Variants in EYS observed in about 807,000 individuals in gnomAD.
The protein encoded by EYS is EGF-like photoreceptor maintenance factor.
Under a neutral mutation model 282.1 loss-of-function variants are expected in EYS, and 250 were observed. The ratio of observed to expected loss-of-function variants is 0.89; its 90% confidence interval spans 0.80 to 0.98. EYS has a LOEUF of 0.98. Among genes scored for constraint, EYS ranks in the 50% least tolerant of loss-of-function variants. EYS has a pLI of 0.00. For missense variants in EYS, 4,016 were observed against 3,709.0 expected (o/e 1.08, Z -2.15); for synonymous variants, 1,355 against 1,282.9 (o/e 1.06, Z -1.20).
chr6:64,840,479 C>T (rs1282488025), intron 19 of EYS, among the ~76,000 whole-genome samples: 1 of 151,988 alleles, frequency 6.6e-6, no homozygotes, highest in Non-Finnish European at 1.5e-5. Flanking sequence ...AGCTAACAGG[C>T]CAAGTGATGG....
intron 22 of EYS, among the ~76,000 whole-genome samples, chr6:64,686,761 A>AAG (rs1770126053): frequency 5.1e-5 from 1 of 19,460 alleles, no homozygotes; most frequent in South Asian, 2.3e-3. Flanking sequence ...ATATATATAT[A>AAG]TGTGTGTATA....
At chr6:64,608,360 G>A (rs1269880622) in intron 24 of EYS, among the ~76,000 whole-genome samples, 2 of 152,062 alleles carry the variant, frequency 1.3e-5, no homozygotes, top group East Asian at 1.9e-4. Flanking sequence ...GAAGGGAGGT[G>A]AGAGTAGTTG....
At chr6:64,094,541 G>A (rs907356755) in intron 31 of EYS, among the ~76,000 whole-genome samples, 10 of 152,036 alleles carry the variant, frequency 6.6e-5, no homozygotes, top group African/African-American at 1.2e-4. Flanking sequence ...GTTTATTTGC[G>A]TAGAGGTGTT....
At chr6:65,008,680 G>A (rs1356184147) in intron 13 of EYS, among the ~76,000 whole-genome samples, 1 of 152,176 alleles carries the variant, frequency 6.6e-6, no homozygotes, top group Non-Finnish European at 1.5e-5. Flanking sequence ...ACTGCCCCAA[G>A]GGACGAAGGT....
chr6:64,577,306 CAATT>C (rs1202544534), intron 26 of EYS, among the ~76,000 whole-genome samples: 1 of 152,034 alleles, frequency 6.6e-6, no homozygotes, highest in African/African-American at 2.4e-5. Context: ...ATTGGTGTCA[CAATT>C]AAGACTTAGA....
Position 63,789,154 on chromosome 6 carries a change from C to G in EYS, c.7482G>C (p.Gly2494=), listed in dbSNP as rs1276511581. 4.5e-6 allele frequency: 7 copies of G among 1,551,656 alleles called. No individual in the cohort carries two copies. Among genetic ancestry groups the G allele is most frequent in the Non-Finnish European group, 6.1e-6 (7 of 1,146,966 alleles). Residue 2494 remains glycine (G), a synonymous_variant, in exon 38 of 43, where the codon GGG becomes GGC. Coordinates refer to ENST00000503581, the MANE Select transcript of EYS (RefSeq NM_001142800.2). ...NGSVVYSYNL[G]SGIASIRSEP... ...CGCTCCTGATGCTTGCTATGCCAGA[C>G]CCCAGGTTATAACTATAAACCACAC...
At chr6:65,318,057 C>T (rs1769362430) in intron 11 of EYS, among the ~76,000 whole-genome samples, 1 of 151,164 alleles carries the variant, frequency 6.6e-6, no homozygotes, top group African/African-American at 2.4e-5. Flanking sequence ...TCAGTAGAGA[C>T]GGGATTTCAC....
At chr6:64,963,297 T>C (rs1411407639) in intron 14 of EYS, among the ~76,000 whole-genome samples, 1 of 152,190 alleles carries the variant, frequency 6.6e-6, no homozygotes, top group African/African-American at 2.4e-5. Flanking sequence ...ATATATAGAC[T>C]TAGTAAATAT....
chr6:65,549,760 TTC>T (rs1768530614), intron 2 of EYS, among the ~76,000 whole-genome samples: 1 of 152,248 alleles, frequency 6.6e-6, no homozygotes, highest in African/African-American at 2.4e-5. Context: ...CAACCTGACT[TTC>T]TCCTCAGGAA....
At chr6:64,711,824 CT>C (rs1274616861) in intron 22 of EYS, among the ~76,000 whole-genome samples, 15 of 152,198 alleles carry the variant, frequency 9.9e-5, no homozygotes, top group African/African-American at 3.6e-4. Flanking sequence ...ATCTCCTCCT[CT>C]ACCAAATGAG....
At chr6:64,283,663 A>G (rs1361055106) in intron 30 of EYS, among the ~76,000 whole-genome samples, 2 of 152,156 alleles carry the variant, frequency 1.3e-5, no homozygotes, top group East Asian at 3.8e-4. Flanking sequence ...ATGCTTCTGT[A>G]TTAGTCCGTT....
chr6:64,370,487 A>T (rs1195177879), intron 29 of EYS, among the ~76,000 whole-genome samples: 1 of 151,822 alleles, frequency 6.6e-6, no homozygotes, highest in African/African-American at 2.4e-5. Flanking sequence ...TTTTATTTTT[A>T]TGTTGTGTCT....
intron 2 of EYS, among the ~76,000 whole-genome samples, chr6:65,615,596 C>A (rs995360918): frequency 1.3e-5 from 2 of 151,368 alleles, no homozygotes; most frequent in Admixed American, 6.6e-5. Context: ...TATGTTTTCC[C>A]CCAGGGCATC....
intron 14 of EYS, among the ~76,000 whole-genome samples, chr6:64,946,444 G>A (rs1246293093): frequency 6.6e-6 from 1 of 151,946 alleles, no homozygotes; most frequent in South Asian, 2.1e-4. Flanking sequence ...CTATGACAAT[G>A]TAATTCAGAA....
At chr6:64,141,654 T>A (rs1269505990) in intron 31 of EYS, among the ~76,000 whole-genome samples, 1 of 152,214 alleles carries the variant, frequency 6.6e-6, no homozygotes, top group Non-Finnish European at 1.5e-5. Flanking sequence ...TAAGATATAA[T>A]CATATAAGAA....
At chr6:64,706,699 A>G (rs1204057182) in intron 22 of EYS, among the ~76,000 whole-genome samples, 1 of 152,236 alleles carries the variant, frequency 6.6e-6, no homozygotes, top group Non-Finnish European at 1.5e-5. Flanking sequence ...ATGGCCAACA[A>G]ACATATAAAA....
chr6:64,211,535 G>C (rs1199515370), intron 31 of EYS, among the ~76,000 whole-genome samples: 1 of 149,716 alleles, frequency 6.7e-6, no homozygotes, highest in Non-Finnish European at 1.5e-5. Context: ...TTCCTTGGCT[G>C]AAATTTTGCT....
At chr6:64,687,071 T>G (rs1324973914) in intron 22 of EYS, among the ~76,000 whole-genome samples, 1 of 151,102 alleles carries the variant, frequency 6.6e-6, no homozygotes, top group African/African-American at 2.4e-5. Context: ...AGTCCTCATA[T>G]GTATTAAAGA....
intron 26 of EYS, among the ~76,000 whole-genome samples, chr6:64,550,107 G>A (rs1339127639): frequency 6.6e-6 from 1 of 152,266 alleles, no homozygotes; most frequent in East Asian, 1.9e-4. Context: ...TGGTGTATAT[G>A]TGCCACATTT....
Sources: allele counts gnomAD v4.1 joint callset (sites outside exome capture counted in the v4.1 genomes callset), GRCh38; gene constraint gnomAD v4.1.1; transcripts MANE v1.5; gene names NCBI Gene and HGNC (gene_info 2026-07-23, HGNC 2026-07-21).